The following KCNQ1OT1 variants were observed in gnomAD, a reference collection of about 807,000 sequenced individuals.
KCNQ1OT1 encodes the protein KCNQ1 opposite strand/antisense transcript 1, also known as KCNQ1 antisense RNA 2 (non-protein coding).
At chr11:2,625,580 T>G (rs1418621845) in exon 1 of KCNQ1OT1, 1 of 12,858 alleles carries the variant, frequency 7.8e-5, no homozygotes, top group East Asian at 1.9e-3. Context: ...CCTTTGCCCT[T>G]TTTTTTTTTT....
rs879774801 is a variant in KCNQ1OT1, at chr11:2,674,581, T to C, written n.25414A>G. 6.5e-5 allele frequency: 26 copies of C among 398,502 alleles called. No individual in the cohort carries two copies. Among genetic ancestry groups the C allele is most frequent in the Non-Finnish European group, 8.4e-5 (19 of 226,060 alleles). 24.7% of individuals were successfully genotyped at this position (398,502 alleles called of 1,614,324 possible). A position where few individuals can be genotyped will look rare whatever the true frequency, so the allele number is the denominator to read the frequency against. On this transcript the variant is annotated non_coding_transcript_exon_variant, in exon 1 of 1. Transcript: ENST00000597346. The surrounding 1 kb of genome is among the most constrained non-coding windows in gnomAD (Gnocchi z 5.9). ...GTGAGTGAATCTGAAGCATGCTAGT[T>C]GTGTTGCCTTTTAAATAGGCTCTGG...
Position 2,642,876 on chromosome 11 carries a change from G to C in KCNQ1OT1, n.57119C>G. ...GAATGTTGTGCTTCTATTTTCACTT[G>C]TTTCAGTAAATTTTTTATTTCTGCC... On this transcript the variant is annotated non_coding_transcript_exon_variant, in exon 1 of 1. Coordinates refer to ENST00000597346, the Ensembl canonical transcript of KCNQ1OT1. The surrounding 1 kb of genome is among the most constrained non-coding windows in gnomAD (Gnocchi z 4.3). 1 of 397,588 alleles carries C rather than the reference G, an allele frequency of 2.5e-6. No individual in the cohort carries two copies. The highest frequency in any genetic ancestry group is 3.6e-5 in the East Asian group (1 of 27,916). 24.6% of individuals were successfully genotyped at this position (397,588 alleles called of 1,614,324 possible). A position where few individuals can be genotyped will look rare whatever the true frequency, so the allele number is the denominator to read the frequency against.
rs1025798540 is a variant in KCNQ1OT1 at position 2,645,062 on chromosome 11, G to C, written n.54933C>G. ...ACTTGCTCAGGTGCCAATGATGACA[G>C]AGCTGGGCCACAGGGTGGGTAGGTC... On this transcript the variant is annotated non_coding_transcript_exon_variant, in exon 1 of 1. Coordinates refer to ENST00000597346, the Ensembl canonical transcript of KCNQ1OT1. This position sits in a 1 kb window ranked among gnomAD's most constrained non-coding sequence, Gnocchi z 5.8. The C allele has an allele frequency of 2.5e-6, 1 of 398,686 alleles. No individual in the cohort carries two copies. Among genetic ancestry groups the C allele is most frequent in the Non-Finnish European group, 4.4e-6 (1 of 226,188 alleles). 24.7% of individuals were successfully genotyped at this position (398,686 alleles called of 1,614,324 possible). A position where few individuals can be genotyped will look rare whatever the true frequency, so the allele number is the denominator to read the frequency against.
rs1356151203 is a variant in KCNQ1OT1 at position 2,624,917 on chromosome 11, T to A, written n.75078A>T. On this transcript the variant is annotated non_coding_transcript_exon_variant, in exon 1 of 1. Transcript: ENST00000597346. This position sits in a 1 kb window ranked among gnomAD's most constrained non-coding sequence, Gnocchi z 4.9. ...TCCATGTTGTGGCATGTGTCAAAAT[T>A]TCTATTTTTTTTAAAGCTGAATAAT... 2.5e-6 allele frequency: 1 copy of A among 398,276 alleles called. No individual in the cohort carries two copies. Among genetic ancestry groups the A allele is most frequent in the Non-Finnish European group, 4.4e-6 (1 of 226,076 alleles). The allele number at this position is 398,276 out of a possible 1,614,324, so 24.7% of individuals were successfully genotyped here. A position where few individuals can be genotyped will look rare whatever the true frequency, so the allele number is the denominator to read the frequency against.
At chr11:2,643,692 A>T in exon 1 of KCNQ1OT1, 1 of 398,362 alleles carries the variant, frequency 2.5e-6, no homozygotes, top group Non-Finnish European at 4.4e-6. Context: ...TCATTAATTG[A>T]TTTCTGATTA....
At chr11:2,639,664 C>A (rs1372550571) in exon 1 of KCNQ1OT1, 2 of 152,542 alleles carry the variant, frequency 1.3e-5, no homozygotes, top group South Asian at 4.1e-4. Context: ...GGGTCAGGGA[C>A]CCACTTGAGG....
At chr11:2,639,485 C>G (rs984400536) in exon 1 of KCNQ1OT1, 16 of 152,212 alleles carry the variant, frequency 1.1e-4, no homozygotes, top group Admixed American at 2.6e-4. Context: ...CACTCCAGAC[C>G]CTGTTTGCCT....
At chr11:2,639,744 G>A (rs1213645577) in exon 1 of KCNQ1OT1, 1 of 152,394 alleles carries the variant, frequency 6.6e-6, no homozygotes, top group Non-Finnish European at 1.5e-5. Context: ...AAAGCTGTGA[G>A]ACAGGGACAT....
chr11:2,662,827 G>C, exon 1 of KCNQ1OT1: 1 of 398,888 alleles, frequency 2.5e-6, no homozygotes, highest in Non-Finnish European at 4.4e-6. Flanking sequence ...CGGCCCTTCT[G>C]AGGGTCACTT....
chr11:2,667,611 A>G (rs965878267), exon 1 of KCNQ1OT1: 4 of 398,506 alleles, frequency 1.0e-5, no homozygotes, highest in Non-Finnish European at 1.3e-5. Context: ...GGCACATCCC[A>G]TATAGATCTC....
chr11:2,613,053 T>A lies in KCNQ1OT1; in HGVS notation n.86942A>T. The A allele has an allele frequency of 2.5e-6, 1 of 398,634 alleles. No homozygotes were observed. Among genetic ancestry groups the A allele is most frequent in the Non-Finnish European group, 4.4e-6 (1 of 226,066 alleles). 24.7% of individuals were successfully genotyped at this position (398,634 alleles called of 1,614,324 possible). A position where few individuals can be genotyped will look rare whatever the true frequency, so the allele number is the denominator to read the frequency against. Reference sequence around the variant, plus strand: ...AGCCTGGCTTCATTGGTGTCACCCCTGGATCAGCATAACCTAGTGGTCAAG... The same window carrying A: ...AGCCTGGCTTCATTGGTGTCACCCCAGGATCAGCATAACCTAGTGGTCAAG... On this transcript the variant is annotated non_coding_transcript_exon_variant, in exon 1 of 1. Coordinates refer to ENST00000597346, the Ensembl canonical transcript of KCNQ1OT1. The surrounding 1 kb of genome is among the most constrained non-coding windows in gnomAD (Gnocchi z 4.8).
chr11:2,679,008 G>A lies in KCNQ1OT1; in HGVS notation n.20987C>T. On this transcript the variant is annotated non_coding_transcript_exon_variant, in exon 1 of 1. Coordinates refer to ENST00000597346, the Ensembl canonical transcript of KCNQ1OT1. This position sits in a 1 kb window ranked among gnomAD's most constrained non-coding sequence, Gnocchi z 4.8. ...AAGAATTTTTAAAAACCCGCAATAA[G>A]AAACATAATCTAAAACTTGTAGCCC... The A allele has an allele frequency of 2.5e-6, 1 of 398,584 alleles. No individual in the cohort carries two copies. The highest frequency in any genetic ancestry group is 3.6e-5 in the East Asian group (1 of 28,088). The allele number at this position is 398,584 out of a possible 1,614,324, so 24.7% of individuals were successfully genotyped here.
Position 2,658,798 on chromosome 11 carries a change from C to G in KCNQ1OT1, n.41197G>C, listed in dbSNP as rs1849898151. Reference sequence around the variant, plus strand: ...TTCTGACCAGAGTTCATCCTTGCCCCCTCCCCCACAACTTATTTATAGCTT... The same window carrying G: ...TTCTGACCAGAGTTCATCCTTGCCCGCTCCCCCACAACTTATTTATAGCTT... On this transcript the variant is annotated non_coding_transcript_exon_variant, in exon 1 of 1. Coordinates refer to ENST00000597346, the Ensembl canonical transcript of KCNQ1OT1. The surrounding 1 kb of genome is among the most constrained non-coding windows in gnomAD (Gnocchi z 4.9). 7.5e-6 allele frequency: 3 copies of G among 398,506 alleles called. No individual in the cohort carries two copies. In the Admixed American group the frequency reaches 1.3e-4, roughly 18 times the overall value. The allele number at this position is 398,506 out of a possible 1,614,324, so 24.7% of individuals were successfully genotyped here.
chr11:2,670,066 A>T lies in KCNQ1OT1; in HGVS notation n.29929T>A. 2 of 398,484 alleles carry T rather than the reference A, an allele frequency of 5.0e-6. No homozygotes were observed. Among genetic ancestry groups the T allele is most frequent in the Non-Finnish European group, 8.8e-6 (2 of 226,066 alleles). 24.7% of individuals were successfully genotyped at this position (398,484 alleles called of 1,614,324 possible). On this transcript the variant is annotated non_coding_transcript_exon_variant, in exon 1 of 1. Transcript: ENST00000597346. This position sits in a 1 kb window ranked among gnomAD's most constrained non-coding sequence, Gnocchi z 4.9. ...TAGCACTCACTATTCTGCTCTGGGG[A>T]GGGGGTTGGAGGCAGAATCAGTGGA...
In KCNQ1OT1 at chr11:2,653,509, T is replaced by C. The variant is rs1849789968; in HGVS notation, n.46486A>G. On this transcript the variant is annotated non_coding_transcript_exon_variant, in exon 1 of 1. Coordinates refer to ENST00000597346, the Ensembl canonical transcript of KCNQ1OT1. The surrounding 1 kb of genome is among the most constrained non-coding windows in gnomAD (Gnocchi z 5.3). ...CAGCTGGACCCCAGAGCTGAGATGA[T>C]CTTGCTCACTTGCTCTCACTCTCCC... 2.5e-6 allele frequency: 1 copy of C among 398,578 alleles called. No homozygotes were observed. The highest frequency in any genetic ancestry group is 4.4e-5 in the Admixed American group (1 of 22,708). The allele number at this position is 398,578 out of a possible 1,614,324, so 24.7% of individuals were successfully genotyped here.
rs1849663807 is a variant in KCNQ1OT1, at chr11:2,646,257, T to C, written n.53738A>G. On this transcript the variant is annotated non_coding_transcript_exon_variant, in exon 1 of 1. Transcript: ENST00000597346. The stretch of plus-strand genomic sequence containing the variant: ...AGCCATCTTGAAGCCCCTGCTGATA[T>C]CTGGATAGGGATTTCATAGCATCTG... 6 of 398,538 alleles carry C rather than the reference T, an allele frequency of 1.5e-5. No individual in the cohort carries two copies. The East Asian group carries it at 1.8e-4, about 12-fold the overall frequency. The allele number at this position is 398,538 out of a possible 1,614,324, so 24.7% of individuals were successfully genotyped here.
rs974838615 is a variant in KCNQ1OT1 at position 2,673,220 on chromosome 11, G to C, written n.26775C>G. On this transcript the variant is annotated non_coding_transcript_exon_variant, in exon 1 of 1. Transcript: ENST00000597346. The surrounding 1 kb of genome is among the most constrained non-coding windows in gnomAD (Gnocchi z 4.5). Reference sequence around the variant, plus strand: ...GCCGAACTGTGACTAGGCAAGCTGAGTCCCCTGTAGATTCTGGGGACTGGG... The same window carrying C: ...GCCGAACTGTGACTAGGCAAGCTGACTCCCCTGTAGATTCTGGGGACTGGG... 22 of 398,436 alleles carry C rather than the reference G, an allele frequency of 5.5e-5. No homozygotes were observed. Among genetic ancestry groups the C allele is most frequent in the Non-Finnish European group, 2.7e-5 (6 of 226,130 alleles). 24.7% of individuals were successfully genotyped at this position (398,436 alleles called of 1,614,324 possible). A position where few individuals can be genotyped will look rare whatever the true frequency, so the allele number is the denominator to read the frequency against.
chr11:2,663,560 G>A lies in KCNQ1OT1; in HGVS notation n.36435C>T. ...GGGGACTGTCCCTTCTCATCCTTCT[G>A]GCTGCTTGCTTCTCCTGTTGGAGCT... is the stretch of plus-strand genomic sequence containing the variant. On this transcript the variant is annotated non_coding_transcript_exon_variant, in exon 1 of 1. Transcript: ENST00000597346. This position sits in a 1 kb window ranked among gnomAD's most constrained non-coding sequence, Gnocchi z 5.2. 1 of 398,542 alleles carries A rather than the reference G, an allele frequency of 2.5e-6. No individual in the cohort carries two copies. The highest frequency in any genetic ancestry group is 4.4e-6 in the Non-Finnish European group (1 of 226,070). The allele number at this position is 398,542 out of a possible 1,614,324, so 24.7% of individuals were successfully genotyped here. A position where few individuals can be genotyped will look rare whatever the true frequency, so the allele number is the denominator to read the frequency against.
exon 1 of KCNQ1OT1, chr11:2,694,302 T>G (rs7927129): frequency 0.19 from 76,430 of 398,468 alleles, 8,129 homozygotes; most frequent in African/African-American, 0.33. Context: ...CCAAGAGCTG[T>G]TCTAAGGAAG....
Sources: gnomAD v4.1 joint callset for allele counts on GRCh38, gnomAD v4.1.1 for gene constraint, Gnocchi (gnomAD v3.1) non-coding constraint, MANE v1.5 for transcripts, NCBI Gene and HGNC (gene_info 2026-07-23, HGNC 2026-07-21) for gene names.